MROH1: variants seen among roughly 807,000 people sequenced by gnomAD.
MROH1 encodes maestro heat-like repeat-containing protein family member 1.
A neutral mutation model predicts 116.5 loss-of-function variants in MROH1; 117 were observed. That is an observed-to-expected ratio of 1.00 (90% confidence interval 0.86 to 1.17). The LOEUF is 1.17. Ranked by LOEUF, MROH1 falls within the 50% of genes most tolerant of loss-of-function variation. The pLI is 0.00. For synonymous variants in MROH1, 921 were observed against 583.9 expected, an observed-to-expected ratio of 1.58 and a Z score of -8.32; for missense variants, 1,873 against 1,338.5, an observed-to-expected ratio of 1.40 and a Z score of -6.23.
intron 10 of MROH1, among the ~76,000 whole-genome samples, chr8:144,195,357 C>G (rs1829621573): frequency 6.7e-6 from 1 of 150,050 alleles, no homozygotes. Context: ...AAAAAATTAG[C>G]TGGGCATGAT....
chr8:144,222,172 C>T lies in MROH1; in HGVS notation c.1216-936C>T, dbSNP rs114646666. ...CCCTGAGGCCAGGGTGAGCCCCAGA[C>T]GGAGGGATGGGTGTATTTGGAGCCT... is the stretch of plus-strand genomic sequence containing the variant. On this transcript the variant is annotated intron_variant, in intron 13 of 43. Transcript: ENST00000326134. Among the ~76,000 whole-genome samples, 742 of 152,214 alleles carry T rather than the reference C, an allele frequency of 4.9e-3. 10 individuals carry two copies. The highest frequency in any genetic ancestry group is 0.016 in the African/African-American group (680 of 41,528).
At chr8:144,162,447 G>A (rs1351086877) in intron 2 of MROH1, among the ~76,000 whole-genome samples, 1 of 150,812 alleles carries the variant, frequency 6.6e-6, no homozygotes, top group Non-Finnish European at 1.5e-5. Flanking sequence ...CTGGAGTGTA[G>A]TGCAGTGGTG....
chr8:144,203,810 TTC>T (rs1251781578), intron 12 of MROH1, among the ~76,000 whole-genome samples: 9 of 152,140 alleles, frequency 5.9e-5, no homozygotes, highest in Non-Finnish European at 1.3e-4. Flanking sequence ...TGAAGTGGAA[TTC>T]TTAGTGCCCA....
chr8:144,169,578 A>C (rs11986707), intron 4 of MROH1, among the ~76,000 whole-genome samples: 7,341 of 150,236 alleles, frequency 0.049, 393 homozygotes, highest in African/African-American at 0.17. Flanking sequence ...CAGCCTCCTG[A>C]GTAGCTGGGA....
At chr8:144,239,982 G>A (rs1840692355) in intron 18 of MROH1, 119 bp from the exon 19 acceptor site, 2 of 712,466 alleles carry the variant, frequency 2.8e-6, no homozygotes, top group Non-Finnish European at 5.2e-6. Flanking sequence ...AGCAGGTGGG[G>A]GGCAGCGGGG....
At chr8:144,232,442 A>G (rs887845634) in intron 14 of MROH1, among the ~76,000 whole-genome samples, 2 of 151,988 alleles carry the variant, frequency 1.3e-5, no homozygotes, top group South Asian at 2.1e-4. Context: ...GACTGTTAGT[A>G]TGGTAGATTA....
chr8:144,239,921 GC>G (rs1403243092), intron 18 of MROH1, among the ~76,000 whole-genome samples, 166 bp downstream of exon 18: 1 of 152,146 alleles, frequency 6.6e-6, no homozygotes, highest in Non-Finnish European at 1.5e-5. Context: ...TCCAAGAAAG[GC>G]CCCAGATGAC....
chr8:144,165,217 A>G (rs915627015), intron 3 of MROH1, among the ~76,000 whole-genome samples: 9 of 150,748 alleles, frequency 6.0e-5, no homozygotes, highest in African/African-American at 2.2e-4. Flanking sequence ...TCCTGGATTC[A>G]AGTGATTCTC....
chr8:144,213,307 A>G (rs1834568115), intron 12 of MROH1: 1 of 495,382 alleles, frequency 2.0e-6, no homozygotes, highest in African/African-American at 1.9e-5. Flanking sequence ...CTTCGACCTC[A>G]TGCTTGCTGA....
In MROH1 at chr8:144,250,417, C is replaced by T. The variant is rs978581522; in HGVS notation, c.3428+51C>T. 369 of 724,142 alleles carry T rather than the reference C, an allele frequency of 5.1e-4. 4 individuals carry two copies. In the East Asian group the frequency reaches 8.3e-3, roughly 16 times the overall value. 44.9% of individuals were successfully genotyped at this position (724,142 alleles called of 1,614,324 possible). On this transcript the variant is annotated intron_variant, in intron 33 of 43. Coordinates refer to ENST00000326134, the MANE Select transcript of MROH1 (RefSeq NM_032450.3). Reference sequence around the variant, plus strand: ...GGGGTCCCTCTGGAATGATGCTCCCCCTGGAATGATGCTCCCCGAGCCCTC... The same window carrying T: ...GGGGTCCCTCTGGAATGATGCTCCCTCTGGAATGATGCTCCCCGAGCCCTC...
chr8:144,178,052 C>T (rs953014858), intron 4 of MROH1, among the ~76,000 whole-genome samples: 3 of 151,400 alleles, frequency 2.0e-5, no homozygotes, highest in South Asian at 2.1e-4. Context: ...CTCCACCTCC[C>T]GGGTTCAAGC....
intron 28 of MROH1, among the ~76,000 whole-genome samples, chr8:144,244,745 G>A (rs1480450535): frequency 6.6e-6 from 1 of 152,224 alleles, no homozygotes; most frequent in African/African-American, 2.4e-5. Context: ...TGGGACCTCT[G>A]GAGCCTGTCC....
At chr8:144,202,901 G>C (rs1471714203) in intron 12 of MROH1, among the ~76,000 whole-genome samples, 2 of 81,220 alleles carry the variant, frequency 2.5e-5, no homozygotes, top group Admixed American at 1.3e-4. Context: ...AAGGAAGCGC[G>C]GGCTCTCTGT....
At chr8:144,249,071 G>A in intron 32 of MROH1, 42 bp downstream of exon 32, 1 of 712,942 alleles carries the variant, frequency 1.4e-6, no homozygotes, top group Non-Finnish European at 2.6e-6. Context: ...AGGAGAAGGT[G>A]GGAGAGGGCG....
intron 10 of MROH1, among the ~76,000 whole-genome samples, chr8:144,197,636 C>T (rs980787188): frequency 8.7e-5 from 13 of 149,602 alleles, no homozygotes; most frequent in Non-Finnish European, 1.5e-4. Flanking sequence ...GGGGTTTCAC[C>T]GTGTTAGCCA....
chr8:144,222,949 G>A (rs1341568421), intron 13 of MROH1, among the ~76,000 whole-genome samples, 159 bp from the exon 14 acceptor site: 1 of 151,994 alleles, frequency 6.6e-6, no homozygotes, highest in Non-Finnish European at 1.5e-5. Flanking sequence ...TTCAGGTGCA[G>A]GCCCAGGTAT....
At chr8:144,247,494 G>A (rs1009971591) in intron 30 of MROH1, 58 bp downstream of exon 30, 4 of 761,592 alleles carry the variant, frequency 5.3e-6, no homozygotes, top group Non-Finnish European at 9.8e-6. Flanking sequence ...TTGGAGGGAT[G>A]AGGTGCGGAG....
chr8:144,249,306 G>C (rs1842444328), intron 32 of MROH1, among the ~76,000 whole-genome samples: 1 of 151,490 alleles, frequency 6.6e-6, no homozygotes, highest in African/African-American at 2.4e-5. Context: ...AGTGCTGAGA[G>C]AATAAGGGGG....
chr8:144,241,514 T>C lies in MROH1; in HGVS notation c.2175T>C (p.Phe725=). The change falls in exon 22 of 44, where the codon TTT becomes TTC. Residue 725 remains phenylalanine (F), a synonymous_variant. Transcript: ENST00000326134. Reference sequence around the variant, plus strand: ...AATCCATTGGCATTCTCAACATTTTTAAGGTTAGGGTGACACCGGTGCAGG... The same window carrying C: ...AATCCATTGGCATTCTCAACATTTTCAAGGTTAGGGTGACACCGGTGCAGG... ...FRKSIGILNI[F]KDRSENEVEK... 1.3e-6 allele frequency: 1 copy of C among 778,526 alleles called. No individual in the cohort carries two copies. The highest frequency in any genetic ancestry group is 2.4e-6 in the Non-Finnish European group (1 of 417,658). The allele number at this position is 778,526 out of a possible 1,614,324, so 48.2% of individuals were successfully genotyped here.
Sources: gnomAD v4.1 joint callset for allele counts (sites outside exome capture counted in the v4.1 genomes callset) on GRCh38, gnomAD v4.1.1 for gene constraint, MANE v1.5 for transcripts, NCBI Gene and HGNC (gene_info 2026-07-23, HGNC 2026-07-21) for gene names.